Variants in RBFOX1 observed in about 807,000 individuals in gnomAD.
RBFOX1 encodes the protein RNA binding protein fox-1 homolog 1.
In RBFOX1, 8 loss-of-function variants were observed where a neutral mutation model predicts 57.7. That is an observed-to-expected ratio of 0.14 (90% CI 0.08 to 0.25). The LOEUF is 0.25. RBFOX1 is among the 10% of genes least tolerant of loss of function. RBFOX1 has a pLI of 1.00. For synonymous variants in RBFOX1, 326 were observed against 222.4 expected, an observed-to-expected ratio of 1.47 and a Z score of -4.15; for missense variants, 611 against 548.5, an observed-to-expected ratio of 1.11 and a Z score of -1.14.
chr16:6,895,192 G>A (rs2066459872), intron 3 of RBFOX1, among the ~76,000 whole-genome samples: 1 of 151,924 alleles, frequency 6.6e-6, no homozygotes, highest in Non-Finnish European at 1.5e-5. Flanking sequence ...GTTTTGTGAT[G>A]TTCTAGGAAT....
intron 5 of RBFOX1, among the ~76,000 whole-genome samples, chr16:7,576,178 C>T (rs1313473041): frequency 6.6e-6 from 1 of 151,866 alleles, no homozygotes; most frequent in Non-Finnish European, 1.5e-5. Flanking sequence ...CCCACCTTAG[C>T]CTGCCAAAGT....
chr16:6,767,916 A>G (rs534606223), intron 3 of RBFOX1, among the ~76,000 whole-genome samples: 3 of 66,094 alleles, frequency 4.5e-5, no homozygotes, highest in Admixed American at 1.7e-4. Flanking sequence ...CTCTATCTCA[A>G]TAATAATAAT....
intron 1 of RBFOX1, among the ~76,000 whole-genome samples, chr16:6,288,542 T>C (rs1359458338): frequency 1.3e-5 from 2 of 152,206 alleles, no homozygotes; most frequent in Non-Finnish European, 2.9e-5. Context: ...CTATGCTAGA[T>C]ACTGCGTCAT....
chr16:6,819,570 G>A (rs959938269), intron 3 of RBFOX1, among the ~76,000 whole-genome samples: 1 of 151,802 alleles, frequency 6.6e-6, no homozygotes, highest in Non-Finnish European at 1.5e-5. Flanking sequence ...GGGCCTGTTG[G>A]CGTGTATGCC....
chr16:7,146,229 T>TC (rs34767821), intron 4 of RBFOX1, among the ~76,000 whole-genome samples: 114,404 of 152,070 alleles, frequency 0.75, 43,128 homozygotes, highest in Middle Eastern at 0.81. Context: ...GGCCTCACAA[T>TC]CCATATGCAG....
intron 2 of RBFOX1, among the ~76,000 whole-genome samples, chr16:5,511,749 G>T (rs2043600754): frequency 6.6e-6 from 1 of 152,182 alleles, no homozygotes; most frequent in Non-Finnish European, 1.5e-5. Context: ...TTCCAGCATT[G>T]AACCTCCTAT....
intron 3 of RBFOX1, among the ~76,000 whole-genome samples, chr16:7,020,346 C>G (rs921709152): frequency 2.0e-5 from 3 of 151,978 alleles, no homozygotes; most frequent in Admixed American, 2.0e-4. Flanking sequence ...CTGCCTCAGC[C>G]TACGGAGTAG....
At chr16:5,544,790 T>A (rs1009672862) in intron 2 of RBFOX1, among the ~76,000 whole-genome samples, 5 of 152,048 alleles carry the variant, frequency 3.3e-5, no homozygotes, top group Non-Finnish European at 7.4e-5. Flanking sequence ...TTTGACAAAA[T>A]GAATGAGATA....
intron 14 of RBFOX1, among the ~76,000 whole-genome samples, chr16:7,704,022 G>T (rs931511530): frequency 1.3e-5 from 2 of 152,142 alleles, no homozygotes; most frequent in Non-Finnish European, 2.9e-5. Flanking sequence ...TATTTACCTG[G>T]CTTTCTTGAA....
chr16:5,843,882 C>A (rs1284316678), intron 3 of RBFOX1, among the ~76,000 whole-genome samples: 1 of 152,168 alleles, frequency 6.6e-6, no homozygotes, highest in Non-Finnish European at 1.5e-5. Context: ...GCAGCAAGCT[C>A]CAACAAGCGC....
intron 5 of RBFOX1, among the ~76,000 whole-genome samples, chr16:7,562,492 G>A (rs554465132): frequency 1.3e-5 from 2 of 152,242 alleles, no homozygotes; most frequent in African/African-American, 4.8e-5. Flanking sequence ...GAGACCCTGG[G>A]CAACTATGGA....
chr16:6,711,836 C>T (rs2063768971), intron 3 of RBFOX1, among the ~76,000 whole-genome samples: 1 of 152,146 alleles, frequency 6.6e-6, no homozygotes, highest in African/African-American at 2.4e-5. Flanking sequence ...AAACCTTCCC[C>T]AGGTACCCCT....
At chr16:6,305,235 G>A (rs563146263) in intron 1 of RBFOX1, among the ~76,000 whole-genome samples, 1 of 152,322 alleles carries the variant, frequency 6.6e-6, no homozygotes, top group South Asian at 2.1e-4. Flanking sequence ...TCAGACCACA[G>A]TTCAAGTTGT....
chr16:7,008,187 GGAT>G, intron 3 of RBFOX1, among the ~76,000 whole-genome samples: 1 of 152,276 alleles, frequency 6.6e-6, no homozygotes, highest in Non-Finnish European at 1.5e-5. Flanking sequence ...AAATGTAACA[GGAT>G]GATATTTTTG....
At chr16:7,609,552 G>A (rs1233099326) in intron 10 of RBFOX1, among the ~76,000 whole-genome samples, 4 of 152,194 alleles carry the variant, frequency 2.6e-5, no homozygotes, top group Admixed American at 1.3e-4. Flanking sequence ...TTAAGTTAGA[G>A]GAAAAGAAAA....
intron 2 of RBFOX1, chr16:5,467,358 G>T: frequency 8.9e-7 from 1 of 1,119,170 alleles, no homozygotes; most frequent in Admixed American, 2.2e-5. Flanking sequence ...ACTGCCCAGG[G>T]CAGACATCTG....
intron 3 of RBFOX1, among the ~76,000 whole-genome samples, chr16:6,838,993 C>G (rs1001539233): frequency 7.4e-5 from 11 of 148,628 alleles, no homozygotes; most frequent in African/African-American, 2.7e-4. Flanking sequence ...TCTTTTTTTT[C>G]TTTATTTTTG....
At chr16:6,708,902 C>T (rs1433711657) in intron 3 of RBFOX1, among the ~76,000 whole-genome samples, 1 of 152,150 alleles carries the variant, frequency 6.6e-6, no homozygotes, top group East Asian at 1.9e-4. Context: ...CTGCTTCCCA[C>T]TCCATTGCGT....
At chr16:5,745,315 G>A (rs545965416) in intron 3 of RBFOX1, among the ~76,000 whole-genome samples, 103 of 152,286 alleles carry the variant, frequency 6.8e-4, no homozygotes, top group Admixed American at 1.1e-3. Context: ...GTGTATATGT[G>A]CCACAATTTC....
Sources: allele counts gnomAD v4.1 joint callset (sites outside exome capture counted in the v4.1 genomes callset), GRCh38; gene constraint gnomAD v4.1.1; transcripts MANE v1.5; gene names NCBI Gene and HGNC (gene_info 2026-07-23, HGNC 2026-07-21).